Variants in UNC45A observed in about 807,000 individuals in gnomAD.
The protein encoded by UNC45A is protein unc-45 homolog A.
A neutral mutation model predicts 103.2 loss-of-function variants in UNC45A; 78 were observed. The ratio of observed to expected loss-of-function variants is 0.76; its 90% CI spans 0.63 to 0.91. The LOEUF is 0.91. Among genes scored for constraint, UNC45A ranks in the 40% least tolerant of loss-of-function variants. The probability of loss-of-function intolerance (pLI) is 0.00; values close to 1 mark genes in which losing one functional copy is unlikely to be tolerated. For missense variants in UNC45A, 1,193 were observed against 1,224.8 expected (o/e 0.97, Z 0.39); for synonymous variants, 495 against 504.6 (o/e 0.98, Z 0.25).
At chr15:90,945,837 T>C (rs2151368514) in intron 9 of UNC45A, among the ~76,000 whole-genome samples, 1 of 150,974 alleles carries the variant, frequency 6.6e-6, no homozygotes. Flanking sequence ...TTCACCATGT[T>C]GGCCAGGCTG....
upstream of UNC45A, chr15:90,931,842 CTG>C: frequency 1.2e-6 from 2 of 1,614,164 alleles, no homozygotes; most frequent in Non-Finnish European, 1.7e-6. Context: ...GTCTTGTCAT[CTG>C]TTACCTCCTC....
At chr15:90,950,693 G>C in intron 17 of UNC45A, 78 bp downstream of exon 17, 1 of 1,418,956 alleles carries the variant, frequency 7.0e-7, no homozygotes, top group Non-Finnish European at 9.8e-7. Flanking sequence ...TACACATTGG[G>C]AAACACTCCT....
chr15:90,942,413 T>C (rs1332544104), intron 6 of UNC45A, 24 bp from the exon 7 acceptor site: 3 of 1,582,600 alleles, frequency 1.9e-6, no homozygotes, highest in African/African-American at 2.7e-5. Context: ...GGAAGCTTCC[T>C]TCTGTTTACC....
intron 3 of UNC45A, 58 bp from the exon 4 acceptor site, chr15:90,936,227 G>A: frequency 6.4e-7 from 1 of 1,564,938 alleles, no homozygotes; most frequent in Non-Finnish European, 8.6e-7. Flanking sequence ...TTTCCCTACT[G>A]CTCTTGCCTG....
chr15:90,944,668 G>A (rs2036471565), intron 8 of UNC45A, among the ~76,000 whole-genome samples: 1 of 152,150 alleles, frequency 6.6e-6, no homozygotes, highest in Non-Finnish European at 1.5e-5. Flanking sequence ...CCCAGGGGCA[G>A]GGCTGGCATG....
intron 10 of UNC45A, 186 bp downstream of exon 10, chr15:90,947,100 G>A (rs973079784): frequency 4.6e-6 from 3 of 657,708 alleles, no homozygotes; most frequent in Non-Finnish European, 5.1e-6. Flanking sequence ...GAGGCAGGAG[G>A]ATCACTTGAG....
chr15:90,947,930 G>A (rs2036659096), intron 11 of UNC45A, 40 bp downstream of exon 11: 6 of 1,570,320 alleles, frequency 3.8e-6, no homozygotes, highest in Middle Eastern at 1.7e-4. Flanking sequence ...CACCTGTGGG[G>A]TAGATCTCAA....
Position 90,947,551 on chromosome 15 carries a change from G to A in UNC45A, c.1501-245G>A, listed in dbSNP as rs963075866. 26 of 550,872 alleles carry A rather than the reference G, an allele frequency of 4.7e-5. No homozygotes were observed. The African/African-American group carries it at 4.9e-4, about 10-fold the overall frequency. The allele number at this position is 550,872 out of a possible 1,614,324, so 34.1% of individuals were successfully genotyped here. A position where few individuals can be genotyped will look rare whatever the true frequency, so the allele number is the denominator to read the frequency against. On this transcript the variant is annotated intron_variant, in intron 10 of 19. Transcript: ENST00000418476. Reference sequence around the variant, plus strand: ...TCAGTGTGGCCTGGGAAGGGGTGGGGCCCACGACTGTCCAGCGGCCAGCGC... The same window carrying A: ...TCAGTGTGGCCTGGGAAGGGGTGGGACCCACGACTGTCCAGCGGCCAGCGC...
intron 7 of UNC45A, 21 bp downstream of exon 7, chr15:90,942,626 G>T (rs2036351745): frequency 6.2e-7 from 1 of 1,613,942 alleles, no homozygotes; most frequent in Non-Finnish European, 8.5e-7. Flanking sequence ...GCAGGTCTGG[G>T]GTCTTTTGGA....
At chr15:90,947,929 G>A (rs199953490) in intron 11 of UNC45A, 39 bp downstream of exon 11, 2 of 1,585,642 alleles carry the variant, frequency 1.3e-6, no homozygotes, top group East Asian at 2.2e-5. Flanking sequence ...CCACCTGTGG[G>A]GTAGATCTCA....
At chr15:90,948,542 G>C (rs1350297824) in intron 12 of UNC45A, 112 bp from the exon 13 acceptor site, 2 of 1,503,512 alleles carry the variant, frequency 1.3e-6, no homozygotes, top group South Asian at 1.3e-5. Context: ...AATTCATCCT[G>C]TACCCAAGGG....
chr15:90,936,210 C>G (rs1470298934), intron 3 of UNC45A, 75 bp from the exon 4 acceptor site: 5 of 1,544,522 alleles, frequency 3.2e-6, no homozygotes, highest in Non-Finnish European at 3.5e-6. Flanking sequence ...GGCCTTTCCT[C>G]GAGATCTTTC....
At position 90,947,862 on chromosome 15, in the gene UNC45A, A is replaced by G. The variant is rs1448912688; in HGVS notation, c.1567A>G (p.Thr523Ala). The G allele has an allele frequency of 6.2e-7, 1 of 1,613,822 alleles. No homozygotes were observed. The highest frequency in any genetic ancestry group is 1.7e-5 in the Admixed American group (1 of 60,002). Reference protein sequence around the residue: ...FSMKQFAEGSTLKLAKQCRKW... With the variant: ...FSMKQFAEGSALKLAKQCRKW... ...CATGAAGCAGTTTGCTGAAGGCTCC[A>G]CTCTCAAACTGGCTAAGCAGTGTCG... The change falls in exon 11 of 20, where the codon ACT (threonine) becomes GCT (alanine). Residue 523 changes from threonine (T) to alanine (A), a missense_variant. By Grantham distance (58) the Thr-to-Ala change is moderately conservative. Transcript: ENST00000418476.
chr15:90,932,955 TC>T (rs1567144779), upstream of UNC45A: 1 of 167,826 alleles, frequency 6.0e-6, no homozygotes, highest in Non-Finnish European at 1.3e-5. Context: ...TCCCAGAAGC[TC>T]CCCCCAAGAA....
chr15:90,946,609 C>T lies in UNC45A; in HGVS notation c.1200-5C>T. 6 of 1,598,170 alleles carry T rather than the reference C, an allele frequency of 3.8e-6. No individual in the cohort carries two copies. Among genetic ancestry groups the T allele is most frequent in the Non-Finnish European group, 5.1e-6 (6 of 1,170,846 alleles). ...GTGTGACGGCTGTCACCCTGTGCCC[C>T]TCAGGAGCTGGTTTGAGGGCCAAGG... is the stretch of plus-strand genomic sequence containing the variant. On this transcript the variant is annotated splice_region_variant and splice_polypyrimidine_tract_variant and intron_variant, in intron 9 of 19. Transcript: ENST00000418476.
upstream of UNC45A, chr15:90,931,735 A>G (rs2035800258): frequency 6.2e-7 from 1 of 1,613,914 alleles, no homozygotes; most frequent in African/African-American, 1.3e-5. Flanking sequence ...GGTCCCTCAG[A>G]TTGTACAGCT....
chr15:90,946,203 G>T (rs1249682450), intron 9 of UNC45A, among the ~76,000 whole-genome samples: 1 of 146,864 alleles, frequency 6.8e-6, no homozygotes, highest in Non-Finnish European at 1.5e-5. Flanking sequence ...GCAGTGAGCC[G>T]AGATCACGCC....
upstream of UNC45A, chr15:90,932,039 G>A: frequency 6.2e-7 from 1 of 1,613,956 alleles, no homozygotes; most frequent in Non-Finnish European, 8.5e-7. Context: ...TCCTGGCAGA[G>A]AAGGGGGAAA....
rs775770883 is a variant in UNC45A, at chr15:90,935,354, G to T, written c.30G>T (p.Glu10Asp). Residue 10 changes from glutamate (E) to aspartate (D), a missense_variant, in exon 1 of 20, where the codon GAG becomes GAT. Transcript: ENST00000418476. MTVSGPGTP[E>D]PRPATPGASS... is the part of the protein sequence containing the mutation. ...CTGTGAGTGGTCCAGGGACCCCCGA[G>T]CCCCGGCCGGCCACCCCCGGGGTGC... The T allele has an allele frequency of 2.9e-5, 47 of 1,602,946 alleles. No homozygotes were observed. The Middle Eastern group carries it at 4.9e-4, about 17-fold the overall frequency.
Sources: allele counts gnomAD v4.1 joint callset (sites outside exome capture counted in the v4.1 genomes callset), GRCh38; gene constraint gnomAD v4.1.1; transcripts MANE v1.5; gene names NCBI Gene and HGNC (gene_info 2026-07-23, HGNC 2026-07-21).